The following SMOC2 variants were observed in gnomAD, a reference collection of about 807,000 sequenced individuals.
The protein encoded by SMOC2 is SPARC related modular calcium binding 2, also known as SPARC-related modular calcium-binding protein 2.
SMOC2 carries 39 observed loss-of-function variants against 61.4 expected under a neutral mutation model. The observed-to-expected ratio is 0.64, with a 90% CI of 0.49 to 0.83. The LOEUF (loss-of-function observed/expected upper bound fraction) is 0.83. Among genes scored for constraint, SMOC2 ranks in the 40% least tolerant of loss-of-function variants. SMOC2 has a pLI of 0.00. For synonymous variants in SMOC2, 247 were observed against 239.9 expected, an observed-to-expected ratio of 1.03 and a Z score of -0.27; for missense variants, 556 against 592.9, an observed-to-expected ratio of 0.94 and a Z score of 0.65.
At chr6:168,582,432 A>G (rs1256788716) in intron 7 of SMOC2, among the ~76,000 whole-genome samples, 1 of 152,154 alleles carries the variant, frequency 6.6e-6, no homozygotes, top group African/African-American at 2.4e-5. Flanking sequence ...CAGGACAGCA[A>G]CTGAGGGCTG....
chr6:168,548,460 C>G lies in SMOC2; in HGVS notation c.563-669C>G, dbSNP rs540877886. Among the ~76,000 whole-genome samples the G allele has an allele frequency of 4.0e-5, 6 of 150,798 alleles. No homozygotes were observed. The South Asian group carries it at 1.3e-3, about 32-fold the overall frequency. ...GCAACCTCCGTCTCCTGGGCTCAAG[C>G]GATTCTCCTGCCTCAGCCTCAGGAG... On this transcript the variant is annotated intron_variant, in intron 6 of 12. Coordinates refer to ENST00000356284, the MANE Select transcript of SMOC2 (RefSeq NM_001166412.2).
chr6:168,571,320 G>C (rs1784659710), intron 7 of SMOC2, among the ~76,000 whole-genome samples: 1 of 152,220 alleles, frequency 6.6e-6, no homozygotes, highest in South Asian at 2.1e-4. Context: ...TGTGAATACT[G>C]TATTCTGTTA....
chr6:168,443,002 A>T (rs181307134), intron 1 of SMOC2, among the ~76,000 whole-genome samples: 1 of 152,304 alleles, frequency 6.6e-6, no homozygotes, highest in East Asian at 1.9e-4. Context: ...ACATAAATAT[A>T]CTCACGTATA....
At position 168,635,358 on chromosome 6, in the gene SMOC2, GA is replaced by G. The variant is rs142546103; in HGVS notation, c.908-15317del. On this transcript the variant is annotated intron_variant, in intron 9 of 12. Transcript: ENST00000356284. ...CCCAAGAGGAAATAAAGAGCGCAGGGAAAAAATAAACCCTCAGATCATTCCA... is the reference window on the plus strand; with the variant it reads ...CCCAAGAGGAAATAAAGAGCGCAGGGAAAAATAAACCCTCAGATCATTCCA... Among the ~76,000 whole-genome samples the G allele has an allele frequency of 5.9e-3, 900 of 152,260 alleles. 13 individuals carry two copies. The highest frequency in any genetic ancestry group is 0.02 in the African/African-American group (825 of 41,546).
chr6:168,495,833 CTTCACCCACCTGCACGG>C (rs1204522566), intron 1 of SMOC2, among the ~76,000 whole-genome samples: 1 of 152,078 alleles, frequency 6.6e-6, no homozygotes, highest in South Asian at 2.1e-4. Context: ...CCCATGGTGG[CTTCACCCACCTGCACGG>C]TTCACCCACC....
At chr6:168,650,108 G>A (rs141225340) in intron 9 of SMOC2, among the ~76,000 whole-genome samples, 30 of 152,298 alleles carry the variant, frequency 2.0e-4, no homozygotes, top group Non-Finnish European at 3.5e-4. Flanking sequence ...TACACAGTCC[G>A]CGCTGGGCTC....
chr6:168,616,881 C>T (rs1365322610), intron 9 of SMOC2, among the ~76,000 whole-genome samples: 2 of 152,150 alleles, frequency 1.3e-5, no homozygotes, highest in Non-Finnish European at 2.9e-5. Flanking sequence ...CCCGAGATGC[C>T]GCTGCACTGC....
chr6:168,467,864 C>T (rs114901023), intron 1 of SMOC2, among the ~76,000 whole-genome samples: 2 of 152,250 alleles, frequency 1.3e-5, no homozygotes, highest in African/African-American at 4.8e-5. Context: ...TCCTAGTATG[C>T]TATCCTTATA....
At chr6:168,503,803 T>C (rs1037556217) in intron 1 of SMOC2, among the ~76,000 whole-genome samples, 3 of 152,058 alleles carry the variant, frequency 2.0e-5, no homozygotes, top group Admixed American at 6.5e-5. Flanking sequence ...AAACTGAGCA[T>C]CTGTGACTCA....
At chr6:168,444,217 A>G (rs1411245420) in intron 1 of SMOC2, among the ~76,000 whole-genome samples, 1 of 152,156 alleles carries the variant, frequency 6.6e-6, no homozygotes, top group Non-Finnish European at 1.5e-5. Flanking sequence ...CAAGGAGGAA[A>G]GCTTGCCTCT....
At chr6:168,448,186 A>G (rs1488856453) in intron 1 of SMOC2, among the ~76,000 whole-genome samples, 4 of 152,314 alleles carry the variant, frequency 2.6e-5, no homozygotes, top group African/African-American at 7.2e-5. Flanking sequence ...AAATCCTCCC[A>G]CAGAAGAGAC....
chr6:168,515,297 C>T (rs1442617121), intron 2 of SMOC2, among the ~76,000 whole-genome samples: 2 of 152,144 alleles, frequency 1.3e-5, no homozygotes, highest in African/African-American at 4.8e-5. Flanking sequence ...TTCAGAATCT[C>T]GTGTGTGGTG....
chr6:168,596,060 A>C lies in SMOC2; in HGVS notation c.638-2758A>C, dbSNP rs552208179. Among the ~76,000 whole-genome samples the C allele has an allele frequency of 3.0e-3, 337 of 113,028 alleles. 8 individuals carry two copies. Among genetic ancestry groups the C allele is most frequent in the Middle Eastern group, 0.012 (2 of 168 alleles). The allele number at this position is 113,028 out of a possible 152,430, so 74.2% of individuals were successfully genotyped here. Reference sequence around the variant, plus strand: ...CAAGCGCCACGTGAACACGGCAGTGATGAGTTTCCTGGGTGCTGCTGGAGA... The same window carrying C: ...CAAGCGCCACGTGAACACGGCAGTGCTGAGTTTCCTGGGTGCTGCTGGAGA... On this transcript the variant is annotated intron_variant, in intron 7 of 12. Transcript: ENST00000356284.
Position 168,481,948 on chromosome 6 carries a change from TAAG to T in SMOC2, c.85-27964_85-27962del, listed in dbSNP as rs1031602624. On this transcript the variant is annotated intron_variant, in intron 1 of 12. Transcript: ENST00000356284. Reference sequence around the variant, plus strand: ...CTATTAATTCTACCCTTTAAAAAAATAAGAAAAAAACCTAACTTTACAACTTGA... The same window carrying T: ...CTATTAATTCTACCCTTTAAAAAAATAAAAAAACCTAACTTTACAACTTGA... Among the ~76,000 whole-genome samples the T allele has an allele frequency of 1.1e-4, 17 of 150,552 alleles. No homozygotes were observed. In the East Asian group the frequency reaches 1.4e-3, roughly 12 times the overall value.
intron 9 of SMOC2, among the ~76,000 whole-genome samples, chr6:168,609,218 T>C (rs1785790377): frequency 2.0e-5 from 3 of 152,236 alleles, no homozygotes; most frequent in African/African-American, 7.2e-5. Flanking sequence ...CTGCCAGCTC[T>C]TGGTAAACAC....
At chr6:168,599,276 TCACA>T (rs1297738460) in intron 8 of SMOC2, among the ~76,000 whole-genome samples, 11 of 92,508 alleles carry the variant, frequency 1.2e-4, no homozygotes, top group Non-Finnish European at 2.1e-4. Context: ...ACCCACGCTC[TCACA>T]CACCCACACA....
Position 168,658,800 on chromosome 6 carries a change from C to T in SMOC2, c.1286-5274C>T, listed in dbSNP as rs57183242. ...ATGTTCTGTTCTCCTGGAGGCCCTG[C>T]TCCTAAGTCACCCTTCCAGAGGAAC... On this transcript the variant is annotated intron_variant, in intron 11 of 12. Transcript: ENST00000356284. Among the ~76,000 whole-genome samples the T allele has an allele frequency of 9.1e-3, 1,387 of 152,288 alleles. 31 individuals carry two copies. Among genetic ancestry groups the T allele is most frequent in the African/African-American group, 0.032 (1,325 of 41,560 alleles).
In SMOC2 at chr6:168,595,063, C is replaced by T. The variant is rs796537475; in HGVS notation, c.638-3755C>T. ...TCACGAGCATCTTTCTAGAGGATGG[C>T]CGAGCTCCTCCTCCTTCCTGAGGCC... On this transcript the variant is annotated intron_variant, in intron 7 of 12. Coordinates refer to ENST00000356284, the MANE Select transcript of SMOC2 (RefSeq NM_001166412.2). Among the ~76,000 whole-genome samples, 306 of 55,854 alleles carry T rather than the reference C, an allele frequency of 5.5e-3. 2 individuals are homozygous for T. The highest frequency in any genetic ancestry group is 9.2e-3 in the Non-Finnish European group (179 of 19,378). The allele number at this position is 55,854 out of a possible 152,430, so 36.6% of individuals were successfully genotyped here. A position where few individuals can be genotyped will look rare whatever the true frequency, so the allele number is the denominator to read the frequency against.
intron 8 of SMOC2, among the ~76,000 whole-genome samples, chr6:168,603,624 G>A (rs868678275): frequency 2.6e-5 from 4 of 152,002 alleles, no homozygotes; most frequent in African/African-American, 9.7e-5. Flanking sequence ...GAGCCTGCAT[G>A]ATAATGGGAA....
Sources: gnomAD v4.1 joint callset for allele counts (sites outside exome capture counted in the v4.1 genomes callset) on GRCh38, gnomAD v4.1.1 for gene constraint, MANE v1.5 for transcripts, NCBI Gene and HGNC (gene_info 2026-07-23, HGNC 2026-07-21) for gene names.